HS3ST2: variants seen among roughly 807,000 people sequenced by gnomAD.
HS3ST2 encodes the protein heparan sulfate glucosamine 3-O-sulfotransferase 2.
A neutral mutation model predicts 26.3 loss-of-function variants in HS3ST2; 17 were observed. The ratio of observed to expected loss-of-function variants is 0.65; its 90% CI spans 0.44 to 0.97. HS3ST2 has a LOEUF of 0.97. Ranked by LOEUF, HS3ST2 falls within the 50% of genes least tolerant of loss-of-function variation. The pLI is 0.00. For missense variants in HS3ST2, 402 were observed against 501.2 expected, an observed-to-expected ratio of 0.80 and a Z score of 1.89; for synonymous variants, 237 against 219.2, an observed-to-expected ratio of 1.08 and a Z score of -0.72.
At chr16:22,868,192 G>A (rs1901783075) in intron 1 of HS3ST2, among the ~76,000 whole-genome samples, 1 of 152,056 alleles carries the variant, frequency 6.6e-6, no homozygotes, top group South Asian at 2.1e-4. Context: ...CAGATCACAA[G>A]GTCAAGAGAT....
chr16:22,867,251 A>C (rs1003922424), intron 1 of HS3ST2, among the ~76,000 whole-genome samples: 1 of 152,244 alleles, frequency 6.6e-6, no homozygotes, highest in Non-Finnish European at 1.5e-5. Context: ...TATATACCAA[A>C]ATAAGTCTCA....
intron 1 of HS3ST2, among the ~76,000 whole-genome samples, chr16:22,888,901 C>T (rs553687202): frequency 2.0e-5 from 3 of 152,328 alleles, no homozygotes; most frequent in South Asian, 2.1e-4. Flanking sequence ...TGCATTTCCA[C>T]CCTAAGCATT....
At chr16:22,863,037 G>A (rs1024237122) in intron 1 of HS3ST2, among the ~76,000 whole-genome samples, 1 of 152,226 alleles carries the variant, frequency 6.6e-6, no homozygotes, top group Non-Finnish European at 1.5e-5. Context: ...GCCGACTACA[G>A]ACAGTCTTCC....
intron 1 of HS3ST2, among the ~76,000 whole-genome samples, chr16:22,914,212 C>T (rs1902460427): frequency 6.6e-6 from 1 of 151,708 alleles, no homozygotes; most frequent in African/African-American, 2.4e-5. Context: ...AGTTTCCTCC[C>T]TAGAAGCAAC....
At chr16:22,840,035 A>G (rs989446713) in intron 1 of HS3ST2, among the ~76,000 whole-genome samples, 1 of 152,254 alleles carries the variant, frequency 6.6e-6, no homozygotes, top group African/African-American at 2.4e-5. Flanking sequence ...TTCAATGATA[A>G]TGTGGCTAAT....
At chr16:22,895,306 T>G (rs1162218815) in intron 1 of HS3ST2, among the ~76,000 whole-genome samples, 1 of 152,138 alleles carries the variant, frequency 6.6e-6, no homozygotes, top group Non-Finnish European at 1.5e-5. Context: ...GCCAGGCTGG[T>G]CTTGAACTCC....
At chr16:22,886,661 C>T (rs1158978809) in intron 1 of HS3ST2, among the ~76,000 whole-genome samples, 1 of 152,062 alleles carries the variant, frequency 6.6e-6, no homozygotes, top group Non-Finnish European at 1.5e-5. Context: ...TTTGAAGAAA[C>T]AAAACAAATT....
At chr16:22,845,406 C>G (rs912607468) in intron 1 of HS3ST2, among the ~76,000 whole-genome samples, 4 of 143,496 alleles carry the variant, frequency 2.8e-5, no homozygotes, top group African/African-American at 1.2e-4. Flanking sequence ...GGCTGGAGTG[C>G]AATGGTGTGA....
chr16:22,887,874 C>G (rs939508511), intron 1 of HS3ST2, among the ~76,000 whole-genome samples: 1 of 151,992 alleles, frequency 6.6e-6, no homozygotes, highest in African/African-American at 2.4e-5. Flanking sequence ...ACTTAAGCTT[C>G]TAGGAGTTCA....
chr16:22,871,711 A>C (rs1043028778), intron 1 of HS3ST2, among the ~76,000 whole-genome samples: 1 of 152,178 alleles, frequency 6.6e-6, no homozygotes, highest in Non-Finnish European at 1.5e-5. Context: ...ATATTTGATG[A>C]ATGAATAAAC....
intron 1 of HS3ST2, among the ~76,000 whole-genome samples, chr16:22,829,873 G>A (rs1200817063): frequency 6.6e-6 from 1 of 152,208 alleles, no homozygotes; most frequent in Non-Finnish European, 1.5e-5. Context: ...TGAAGGAGGT[G>A]TAATAATCGC....
At chr16:22,876,608 A>G (rs938711398) in intron 1 of HS3ST2, among the ~76,000 whole-genome samples, 2 of 152,198 alleles carry the variant, frequency 1.3e-5, no homozygotes, top group African/African-American at 4.8e-5. Context: ...CTACCATTTG[A>G]CCCAGCAATC....
At chr16:22,830,432 C>T (rs139932255) in intron 1 of HS3ST2, among the ~76,000 whole-genome samples, 28 of 152,212 alleles carry the variant, frequency 1.8e-4, no homozygotes, top group Non-Finnish European at 2.9e-4. Context: ...AAAGATCAGC[C>T]GGGAAGAATT....
intron 1 of HS3ST2, among the ~76,000 whole-genome samples, chr16:22,894,934 G>T (rs1481342875): frequency 6.6e-6 from 1 of 152,044 alleles, no homozygotes; most frequent in African/African-American, 2.4e-5. Flanking sequence ...TTGACATTTT[G>T]ATATTTATAT....
At chr16:22,839,029 A>T (rs1476775980) in intron 1 of HS3ST2, among the ~76,000 whole-genome samples, 1 of 152,204 alleles carries the variant, frequency 6.6e-6, no homozygotes, top group Non-Finnish European at 1.5e-5. Context: ...GCTGTGATTA[A>T]CATGGTGCAT....
chr16:22,909,081 T>C (rs746620879), intron 1 of HS3ST2, among the ~76,000 whole-genome samples: 68 of 152,228 alleles, frequency 4.5e-4, no homozygotes, highest in Non-Finnish European at 8.5e-4. Context: ...CAGGGTTTTA[T>C]ATCTGATTGG....
At chr16:22,886,509 A>T (rs1902061400) in intron 1 of HS3ST2, among the ~76,000 whole-genome samples, 2 of 152,216 alleles carry the variant, frequency 1.3e-5, no homozygotes, top group Non-Finnish European at 2.9e-5. Flanking sequence ...ACAGCTTGGT[A>T]AACTAAGTGA....
rs149450459 is a variant in HS3ST2, at chr16:22,873,745, C to T, written c.486-41199C>T. ...CACTTACGGAGTCCAGCAACTCTAC[C>T]GACTGGCAGTTTGGCTTGAGTTCAC... On this transcript the variant is annotated intron_variant, in intron 1 of 1. Transcript: ENST00000261374. Among the ~76,000 whole-genome samples the T allele has an allele frequency of 1.7e-3, 266 of 152,266 alleles. 2 individuals are homozygous for T. The highest frequency in any genetic ancestry group is 6.1e-3 in the African/African-American group (252 of 41,548).
At position 22,910,393 on chromosome 16, in the gene HS3ST2, G is replaced by A. The variant is rs74968805; in HGVS notation, c.486-4551G>A. 4.1e-3 allele frequency among the ~76,000 whole-genome samples: 625 copies of A among 152,256 alleles called. 4 individuals carry two copies. Among genetic ancestry groups the A allele is most frequent in the African/African-American group, 0.014 (592 of 41,552 alleles). ...AAGTCTTTAAACACAGTTTAAATGC[G>A]CTGTTACACTTATGTAATTTCATCT... On this transcript the variant is annotated intron_variant, in intron 1 of 1. Transcript: ENST00000261374.
Sources: allele counts gnomAD v4.1 joint callset (sites outside exome capture counted in the v4.1 genomes callset), GRCh38; gene constraint gnomAD v4.1.1; transcripts MANE v1.5; gene names NCBI Gene and HGNC (gene_info 2026-07-23, HGNC 2026-07-21).